MACROD2: variants seen among roughly 807,000 people sequenced by gnomAD.
MACROD2 encodes the protein mono-ADP ribosylhydrolase 2, also known as ADP-ribose glycohydrolase MACROD2.
A neutral mutation model predicts 70.4 loss-of-function variants in MACROD2; 36 were observed. That is an observed-to-expected ratio of 0.51 (90% CI 0.39 to 0.68). The LOEUF (loss-of-function observed/expected upper bound fraction) is 0.68, where lower values mean the gene tolerates loss of function less well. Ranked by LOEUF, MACROD2 falls within the 30% of genes least tolerant of loss-of-function variation. MACROD2 has a pLI of 0.00. For synonymous variants in MACROD2, 172 were observed against 178.8 expected (o/e 0.96, Z 0.30); for missense variants, 496 against 538.4 (o/e 0.92, Z 0.78).
intron 3 of MACROD2, among the ~76,000 whole-genome samples, chr20:14,363,923 T>C (rs1343051344): frequency 6.6e-6 from 1 of 150,556 alleles, no homozygotes; most frequent in African/African-American, 2.5e-5. Flanking sequence ...AATCTAGTGA[T>C]GGTCTCAATC....
intron 6 of MACROD2, among the ~76,000 whole-genome samples, chr20:15,258,002 T>A (rs2077214582): frequency 6.6e-6 from 1 of 151,702 alleles, no homozygotes; most frequent in Non-Finnish European, 1.5e-5. Context: ...TAGGCTAATG[T>A]GTGAGTTTGT....
chr20:15,234,326 C>A (rs187328021), intron 6 of MACROD2, among the ~76,000 whole-genome samples: 69 of 151,596 alleles, frequency 4.6e-4, no homozygotes, highest in Admixed American at 9.2e-4. Context: ...GCCACCGCGC[C>A]CGGCCTATAT....
intron 5 of MACROD2, among the ~76,000 whole-genome samples, chr20:15,028,951 G>A (rs886154511): frequency 6.6e-6 from 1 of 152,206 alleles, no homozygotes; most frequent in African/African-American, 2.4e-5. Flanking sequence ...AGGGAGCTAC[G>A]GATGTCACAG....
chr20:14,777,313 C>T (rs1018550595), intron 5 of MACROD2, among the ~76,000 whole-genome samples: 1 of 151,862 alleles, frequency 6.6e-6, no homozygotes, highest in Non-Finnish European at 1.5e-5. Context: ...TCCTGCATCA[C>T]GGTTATTTTT....
chr20:14,495,069 C>A (rs1330064799), intron 4 of MACROD2, among the ~76,000 whole-genome samples: 1 of 152,048 alleles, frequency 6.6e-6, no homozygotes, highest in Non-Finnish European at 1.5e-5. Flanking sequence ...TTGAGTATTT[C>A]AAAAAATTGA....
rs1187288169 is a variant in MACROD2, at chr20:14,127,388, C to G, written c.271+41660C>G. The G allele has an allele frequency of 9.6e-6, 4 of 415,912 alleles. No homozygotes were observed. In the East Asian group the frequency reaches 1.6e-4, roughly 17 times the overall value. The allele number at this position is 415,912 out of a possible 1,614,324, so 25.8% of individuals were successfully genotyped here. A position where few individuals can be genotyped will look rare whatever the true frequency, so the allele number is the denominator to read the frequency against. On this transcript the variant is annotated intron_variant, in intron 3 of 17. Transcript: ENST00000684519. ...TTCTTGCTGAGGCTGCCTCAGAACC[C>G]CTTTCCACTGCTTCATGATTTTCTG...
intron 3 of MACROD2, among the ~76,000 whole-genome samples, chr20:14,490,418 A>C (rs1363847906): frequency 1.3e-5 from 2 of 152,196 alleles, no homozygotes; most frequent in East Asian, 3.9e-4. Flanking sequence ...GAAAAAGTGC[A>C]ATACACAGAT....
At chr20:14,034,028 G>GT (rs1569126485) in intron 2 of MACROD2, among the ~76,000 whole-genome samples, 2 of 152,008 alleles carry the variant, frequency 1.3e-5, no homozygotes, top group African/African-American at 4.8e-5. Context: ...CTGGAGTGCA[G>GT]TGGCGCTATC....
At chr20:14,813,470 T>C (rs1182375070) in intron 5 of MACROD2, among the ~76,000 whole-genome samples, 1 of 152,042 alleles carries the variant, frequency 6.6e-6, no homozygotes, top group Admixed American at 6.6e-5. Context: ...TTCTGTTTCC[T>C]GCATTAGTTT....
chr20:15,029,177 C>G (rs948670056), intron 5 of MACROD2, among the ~76,000 whole-genome samples: 1 of 152,150 alleles, frequency 6.6e-6, no homozygotes, highest in Admixed American at 6.6e-5. Flanking sequence ...AACCTAACTG[C>G]CACGCCTCCT....
At chr20:15,439,107 T>C (rs2046463188) in intron 7 of MACROD2, among the ~76,000 whole-genome samples, 1 of 152,170 alleles carries the variant, frequency 6.6e-6, no homozygotes, top group African/African-American at 2.4e-5. Flanking sequence ...TCAGTTAAAA[T>C]AGAACCCCTT....
chr20:14,044,480 A>G lies in MACROD2; in HGVS notation c.164-41141A>G, dbSNP rs148587659. Among the ~76,000 whole-genome samples, 456 of 152,230 alleles carry G rather than the reference A, an allele frequency of 3.0e-3. 5 individuals are homozygous for G. The highest frequency in any genetic ancestry group is 0.011 in the African/African-American group (442 of 41,536). On this transcript the variant is annotated intron_variant, in intron 2 of 17. Transcript: ENST00000684519. ...TTTATTCTCTTATTTGGCCCCACCCACATCCTGCTGATTGGTTGGTCCATT... is the reference window on the plus strand; with the variant it reads ...TTTATTCTCTTATTTGGCCCCACCCGCATCCTGCTGATTGGTTGGTCCATT...
At chr20:15,953,756 CAG>C (rs1380643720) in intron 12 of MACROD2, among the ~76,000 whole-genome samples, 1 of 152,112 alleles carries the variant, frequency 6.6e-6, no homozygotes, top group Non-Finnish European at 1.5e-5. Flanking sequence ...TGTTTTACAG[CAG>C]ACTCACTCTA....
chr20:15,085,873 A>ACACAACACAC (rs35503821), intron 5 of MACROD2, among the ~76,000 whole-genome samples: 2 of 144,386 alleles, frequency 1.4e-5, no homozygotes, highest in African/African-American at 5.1e-5. Context: ...ACACACACAC[A>ACACAACACAC]ACACACACAC....
chr20:16,024,705 T>C (rs1008360597), intron 15 of MACROD2, among the ~76,000 whole-genome samples: 33 of 152,354 alleles, frequency 2.2e-4, no homozygotes, highest in Admixed American at 5.9e-4. Flanking sequence ...ACCAGGAAGC[T>C]GAAAATTGAG....
At chr20:15,587,856 G>A (rs890791551) in intron 8 of MACROD2, among the ~76,000 whole-genome samples, 2 of 152,214 alleles carry the variant, frequency 1.3e-5, no homozygotes, top group South Asian at 2.1e-4. Flanking sequence ...GCAGGCTAGT[G>A]TTGAGTGTCT....
intron 5 of MACROD2, among the ~76,000 whole-genome samples, chr20:15,204,743 A>G (rs1362795866): frequency 6.6e-6 from 1 of 152,162 alleles, no homozygotes. Flanking sequence ...CATTAGTTGG[A>G]AAACATTTGT....
At chr20:15,252,680 T>C (rs2077166128) in intron 6 of MACROD2, among the ~76,000 whole-genome samples, 1 of 152,242 alleles carries the variant, frequency 6.6e-6, no homozygotes, top group Admixed American at 6.5e-5. Flanking sequence ...ATATTTTGGA[T>C]ATGAAAAACA....
At chr20:15,406,144 T>A (rs2045997852) in intron 6 of MACROD2, among the ~76,000 whole-genome samples, 1 of 152,204 alleles carries the variant, frequency 6.6e-6, no homozygotes, top group Non-Finnish European at 1.5e-5. Context: ...CATTTGATCA[T>A]CTTATCCTCA....
Sources: allele counts gnomAD v4.1 joint callset (sites outside exome capture counted in the v4.1 genomes callset), GRCh38; gene constraint gnomAD v4.1.1; transcripts MANE v1.5; gene names NCBI Gene and HGNC (gene_info 2026-07-23, HGNC 2026-07-21).